Variants in SGCZ observed in about 807,000 individuals in gnomAD.
The protein encoded by SGCZ is zeta-sarcoglycan.
In SGCZ, 40 loss-of-function variants were observed where a neutral mutation model predicts 41.3. The ratio of observed to expected loss-of-function variants is 0.97; its 90% confidence interval spans 0.75 to 1.26. SGCZ has a LOEUF of 1.26. Ranked by LOEUF, SGCZ falls within the 50% of genes most tolerant of loss-of-function variation. SGCZ has a pLI of 0.00. For missense variants in SGCZ, 552 were observed against 369.8 expected (o/e 1.49, Z -4.04); for synonymous variants, 206 against 137.5 (o/e 1.50, Z -3.49).
At chr8:14,785,964 A>T (rs2130451650) in intron 1 of SGCZ, among the ~76,000 whole-genome samples, 1 of 152,218 alleles carries the variant, frequency 6.6e-6, no homozygotes, top group South Asian at 2.1e-4. Context: ...TATCTCCAAA[A>T]AAAGTGACTC....
At chr8:14,284,341 G>T (rs1453793754) in intron 3 of SGCZ, among the ~76,000 whole-genome samples, 1 of 152,202 alleles carries the variant, frequency 6.6e-6, no homozygotes, top group Non-Finnish European at 1.5e-5. Flanking sequence ...TGCATGAGCT[G>T]TGGCCATGCC....
At chr8:14,918,330 T>C (rs1001627190) in intron 1 of SGCZ, among the ~76,000 whole-genome samples, 2 of 152,090 alleles carry the variant, frequency 1.3e-5, no homozygotes, top group Admixed American at 6.5e-5. Flanking sequence ...GTGGTATGAA[T>C]TTAAGAACAT....
At chr8:14,686,648 A>C (rs1449961812) in intron 1 of SGCZ, among the ~76,000 whole-genome samples, 1 of 152,048 alleles carries the variant, frequency 6.6e-6, no homozygotes, top group Non-Finnish European at 1.5e-5. Context: ...GGTGCAATAG[A>C]GATTTCAGGT....
intron 1 of SGCZ, among the ~76,000 whole-genome samples, chr8:15,215,774 T>G (rs2117171000): frequency 6.6e-6 from 1 of 152,328 alleles, no homozygotes; most frequent in East Asian, 1.9e-4. Context: ...GAGTTACAAT[T>G]AAAGTCCTAT....
At chr8:15,172,694 T>C (rs1799881508) in intron 1 of SGCZ, among the ~76,000 whole-genome samples, 1 of 152,182 alleles carries the variant, frequency 6.6e-6, no homozygotes, top group Non-Finnish European at 1.5e-5. Context: ...TGGAGTCTAT[T>C]AAAAAATCTT....
intron 1 of SGCZ, among the ~76,000 whole-genome samples, chr8:14,929,009 T>C (rs951358857): frequency 2.0e-5 from 3 of 152,170 alleles, no homozygotes; most frequent in Non-Finnish European, 4.4e-5. Flanking sequence ...ATTTATTTTT[T>C]CAGACAGAGT....
At chr8:14,945,973 T>G (rs1800427819) in intron 1 of SGCZ, among the ~76,000 whole-genome samples, 1 of 114,814 alleles carries the variant, frequency 8.7e-6, no homozygotes, top group South Asian at 3.1e-4. Flanking sequence ...GCCTCCATAA[T>G]AGCATAAGCC....
chr8:14,550,460 G>A (rs137952353), intron 2 of SGCZ, among the ~76,000 whole-genome samples: 1 of 151,832 alleles, frequency 6.6e-6, no homozygotes, highest in African/African-American at 2.4e-5. Context: ...ACAAGATATT[G>A]GTAAAGTTTG....
rs577329836 is a variant in SGCZ, at chr8:14,629,071, T to C, written c.40-74145A>G. ...GAAGGAAAAAGAATTTGACCAGATTTGGGGAAAAATTTAATCTATCAGTAA... is the reference window on the plus strand; with the variant it reads ...GAAGGAAAAAGAATTTGACCAGATTCGGGGAAAAATTTAATCTATCAGTAA... On this transcript the variant is annotated intron_variant, in intron 1 of 7. Transcript: ENST00000382080. Among the ~76,000 whole-genome samples, 9 of 152,262 alleles carry C rather than the reference T, an allele frequency of 5.9e-5. No homozygotes were observed. The East Asian group carries it at 1.5e-3, about 26-fold the overall frequency.
intron 1 of SGCZ, among the ~76,000 whole-genome samples, chr8:14,817,008 G>A (rs995735563): frequency 6.6e-6 from 1 of 152,150 alleles, no homozygotes; most frequent in African/African-American, 2.4e-5. Context: ...AGGTCAAGTG[G>A]TACCATCATT....
At chr8:14,401,006 T>C (rs1426940347) in intron 2 of SGCZ, among the ~76,000 whole-genome samples, 1 of 152,068 alleles carries the variant, frequency 6.6e-6, no homozygotes, top group African/African-American at 2.4e-5. Context: ...TGGAACATGG[T>C]TTGGAAACCA....
intron 1 of SGCZ, among the ~76,000 whole-genome samples, chr8:14,679,674 T>C (rs972268315): frequency 7.2e-5 from 11 of 152,052 alleles, no homozygotes; most frequent in African/African-American, 2.6e-4. Flanking sequence ...TAATTTATTA[T>C]TGAAGAAAAA....
At chr8:14,730,749 C>T (rs1235568463) in intron 1 of SGCZ, among the ~76,000 whole-genome samples, 1 of 151,642 alleles carries the variant, frequency 6.6e-6, no homozygotes, top group Non-Finnish European at 1.5e-5. Flanking sequence ...GTGCCTATCT[C>T]AACAAATCTA....
At chr8:14,258,814 A>G (rs907906660) in intron 3 of SGCZ, among the ~76,000 whole-genome samples, 2 of 152,190 alleles carry the variant, frequency 1.3e-5, no homozygotes, top group Non-Finnish European at 2.9e-5. Flanking sequence ...AGCACAATAG[A>G]AATAAATGAG....
chr8:15,107,981 C>T (rs1806895428), intron 1 of SGCZ, among the ~76,000 whole-genome samples: 1 of 152,108 alleles, frequency 6.6e-6, no homozygotes, highest in Non-Finnish European at 1.5e-5. Context: ...TGTAGTTATT[C>T]TGCTGATCTC....
At chr8:14,103,072 C>T (rs571604860) in intron 6 of SGCZ, among the ~76,000 whole-genome samples, 43 of 152,200 alleles carry the variant, frequency 2.8e-4, no homozygotes, top group African/African-American at 9.4e-4. Context: ...TTTTCTACAT[C>T]AACTAATTCT....
intron 3 of SGCZ, among the ~76,000 whole-genome samples, chr8:14,277,860 T>C (rs547338383): frequency 6.6e-6 from 1 of 151,782 alleles, no homozygotes; most frequent in Non-Finnish European, 1.5e-5. Flanking sequence ...CCTTTAGGAA[T>C]GTAAGCAAAT....
intron 1 of SGCZ, among the ~76,000 whole-genome samples, chr8:14,671,060 G>A (rs9325723): frequency 0.54 from 82,789 of 152,034 alleles, 24,072 homozygotes; most frequent in East Asian, 0.74. Context: ...AGTCCACTGC[G>A]CATTCATTTT....
At chr8:14,513,021 A>G (rs1802510889) in intron 2 of SGCZ, among the ~76,000 whole-genome samples, 1 of 152,148 alleles carries the variant, frequency 6.6e-6, no homozygotes, top group African/African-American at 2.4e-5. Flanking sequence ...TAAAGTTCCA[A>G]ATCTTGTTCG....
Sources: allele counts gnomAD v4.1 joint callset (sites outside exome capture counted in the v4.1 genomes callset), GRCh38; gene constraint gnomAD v4.1.1; transcripts MANE v1.5; gene names NCBI Gene and HGNC (gene_info 2026-07-23, HGNC 2026-07-21).